The following UXS1 variants were observed in gnomAD, a reference collection of about 807,000 sequenced individuals.
The protein encoded by UXS1 is UDP-glucuronic acid decarboxylase 1.
In UXS1, 33 loss-of-function variants were observed where a neutral mutation model predicts 62.6. That is an observed-to-expected ratio of 0.53 (90% CI 0.40 to 0.70). UXS1 has a LOEUF of 0.70. UXS1 is among the 30% of genes least tolerant of loss of function. The pLI is 0.00. For synonymous variants in UXS1, 213 were observed against 206.8 expected (o/e 1.03, Z -0.26); for missense variants, 434 against 556.3 (o/e 0.78, Z 2.21).
intron 6 of UXS1, among the ~76,000 whole-genome samples, chr2:106,131,215 C>T (rs1250643281): frequency 4.7e-5 from 7 of 149,714 alleles, no homozygotes; most frequent in Non-Finnish European, 8.9e-5. Flanking sequence ...AAAAACGGCG[C>T]ACCACGAGAC....
intron 6 of UXS1, among the ~76,000 whole-genome samples, chr2:106,139,405 C>T (rs769490657): frequency 8.5e-5 from 13 of 152,284 alleles, no homozygotes; most frequent in Non-Finnish European, 1.5e-4. Flanking sequence ...GGCACAGCTG[C>T]GACTTACTCG....
intron 1 of UXS1, among the ~76,000 whole-genome samples, chr2:106,189,989 A>G (rs1684812306): frequency 6.6e-6 from 1 of 152,180 alleles, no homozygotes. Flanking sequence ...TGAGGCTGGC[A>G]GCTGACCCTC....
intron 1 of UXS1, among the ~76,000 whole-genome samples, chr2:106,188,031 C>A (rs4851933): frequency 0.98 from 149,241 of 152,364 alleles, 73,149 homozygotes; most frequent in South Asian, 1. Context: ...CATGAGCCAC[C>A]GCGACCAGCC....
intron 9 of UXS1, among the ~76,000 whole-genome samples, chr2:106,121,528 T>G (rs373394878): frequency 6.6e-6 from 1 of 152,162 alleles, no homozygotes; most frequent in Non-Finnish European, 1.5e-5. Context: ...GACACTCTAG[T>G]CAGTACTCCT....
At position 106,112,703 on chromosome 2, in the gene UXS1, G is replaced by A. The variant is rs754304475; in HGVS notation, c.822C>T (p.Asn274=). Reference sequence around the variant, plus strand: ...TGAAGTTGCTGACTACTCGCCCATCGTTCATGTGCATGCGTGGCCCAAAGG... The same window carrying A: ...TGAAGTTGCTGACTACTCGCCCATCATTCATGTGCATGCGTGGCCCAAAGG... ...FNTFGPRMHM[N]DGRVVSNFIL... is the part of the protein sequence containing the mutation. Residue 274 remains asparagine, a synonymous_variant, in exon 10 of 15, where the codon AAC becomes AAT. Coordinates refer to ENST00000283148, the MANE Select transcript of UXS1 (RefSeq NM_001253875.2). 18 of 1,613,900 alleles carry A rather than the reference G, an allele frequency of 1.1e-5. No individual in the cohort carries two copies. The highest frequency in any genetic ancestry group is 1.6e-4 in the Middle Eastern group (1 of 6,084).
chr2:106,145,806 G>GA (rs895788876), intron 5 of UXS1, among the ~76,000 whole-genome samples: 10 of 150,984 alleles, frequency 6.6e-5, no homozygotes, highest in African/African-American at 2.2e-4. Context: ...GAACTACCAA[G>GA]AAAAAAAAAC....
At chr2:106,127,794 T>C (rs1477374864) in intron 7 of UXS1, among the ~76,000 whole-genome samples, 3 of 152,170 alleles carry the variant, frequency 2.0e-5, no homozygotes, top group Admixed American at 2.0e-4. Flanking sequence ...GCCTTTTGTA[T>C]CTCTCCTGGA....
chr2:106,166,345 C>T, intron 1 of UXS1: 1 of 353,758 alleles, frequency 2.8e-6, no homozygotes, highest in Non-Finnish European at 5.1e-6. Context: ...AATATATGCT[C>T]CCATCAGCAG....
intron 6 of UXS1, among the ~76,000 whole-genome samples, chr2:106,130,837 T>C (rs185532457): frequency 1.3e-5 from 2 of 152,228 alleles, no homozygotes; most frequent in Non-Finnish European, 2.9e-5. Context: ...GCTGGGAGAC[T>C]CTAGACCTTC....
chr2:106,187,743 T>C (rs1180718450), intron 1 of UXS1, among the ~76,000 whole-genome samples: 1 of 131,140 alleles, frequency 7.6e-6, no homozygotes, highest in Non-Finnish European at 1.7e-5. Context: ...TGTAATTTCC[T>C]TTTTTTTTTT....
intron 6 of UXS1, among the ~76,000 whole-genome samples, chr2:106,142,923 ATGTGTG>A (rs141333004): frequency 8.1e-5 from 12 of 149,054 alleles, no homozygotes; most frequent in East Asian, 2.0e-4. Context: ...GTTTGCATGT[ATGTGTG>A]TGTGTGTGTG....
intron 13 of UXS1, among the ~76,000 whole-genome samples, chr2:106,098,364 C>G (rs947806518): frequency 2.0e-5 from 3 of 152,212 alleles, no homozygotes; most frequent in African/African-American, 7.2e-5. Flanking sequence ...CTGGTGGTTG[C>G]TGTCTCTTGC....
chr2:106,095,029 CA>C (rs1347335005), intron 14 of UXS1, among the ~76,000 whole-genome samples: 1 of 152,106 alleles, frequency 6.6e-6, no homozygotes, highest in African/African-American at 2.4e-5. Flanking sequence ...TCATATCCCT[CA>C]AAAATTTATT....
intron 12 of UXS1, among the ~76,000 whole-genome samples, chr2:106,099,995 A>G (rs1339861559): frequency 2.0e-5 from 3 of 152,260 alleles, no homozygotes; most frequent in Non-Finnish European, 4.4e-5. Context: ...AAAGACATGC[A>G]TAAGCAAAGG....
intron 7 of UXS1, among the ~76,000 whole-genome samples, chr2:106,127,111 T>C (rs1417521322): frequency 3.9e-5 from 6 of 152,192 alleles, no homozygotes; most frequent in Non-Finnish European, 7.3e-5. Context: ...TTCCCGGGGA[T>C]ATATGTATGC....
At chr2:106,128,738 C>T (rs1680183754) in intron 7 of UXS1, among the ~76,000 whole-genome samples, 1 of 152,192 alleles carries the variant, frequency 6.6e-6, no homozygotes, top group African/African-American at 2.4e-5. Context: ...TCTACACATC[C>T]TATTGGTTCT....
At chr2:106,112,433 G>A (rs1250977950) in intron 10 of UXS1, among the ~76,000 whole-genome samples, 1 of 152,232 alleles carries the variant, frequency 6.6e-6, no homozygotes, top group Non-Finnish European at 1.5e-5. Context: ...GACCCCAGTG[G>A]CCATGGAGGG....
chr2:106,104,697 A>G, intron 11 of UXS1, 97 bp downstream of exon 11: 1 of 1,449,970 alleles, frequency 6.9e-7, no homozygotes, highest in East Asian at 2.3e-5. Flanking sequence ...CGTTGTGGAA[A>G]TGGTTAACAT....
At chr2:106,137,387 A>C (rs1680745622) in intron 6 of UXS1, among the ~76,000 whole-genome samples, 2 of 152,206 alleles carry the variant, frequency 1.3e-5, no homozygotes, top group Non-Finnish European at 2.9e-5. Context: ...CCAGGGCTGC[A>C]GGTAGAAGCA....
Sources: gnomAD v4.1 joint callset for allele counts (sites outside exome capture counted in the v4.1 genomes callset) on GRCh38, gnomAD v4.1.1 for gene constraint, MANE v1.5 for transcripts, NCBI Gene and HGNC (gene_info 2026-07-23, HGNC 2026-07-21) for gene names.